The following FSTL5 variants were observed in gnomAD, a reference collection of about 807,000 sequenced individuals.
FSTL5 encodes the protein follistatin-related protein 5.
FSTL5 carries 62 observed loss-of-function variants against 89.1 expected under a neutral mutation model. The observed-to-expected ratio is 0.70, with a 90% CI of 0.57 to 0.86. FSTL5 has a LOEUF of 0.86. Ranked by LOEUF, FSTL5 falls within the 40% of genes least tolerant of loss-of-function variation. The probability of loss-of-function intolerance (pLI) is 0.00; values close to 1 mark genes in which losing one functional copy is unlikely to be tolerated. For synonymous variants in FSTL5, 383 were observed against 346.2 expected, an observed-to-expected ratio of 1.11 and a Z score of -1.18; for missense variants, 1,057 against 1,001.6, an observed-to-expected ratio of 1.06 and a Z score of -0.75.
intron 15 of FSTL5, among the ~76,000 whole-genome samples, chr4:161,446,804 T>C (rs1273890083): frequency 6.6e-6 from 1 of 152,012 alleles, no homozygotes; most frequent in East Asian, 1.9e-4. Context: ...ACTTCTGACA[T>C]ATTTCTTCAT....
intron 6 of FSTL5, among the ~76,000 whole-genome samples, chr4:161,757,146 T>C (rs1740598078): frequency 2.0e-5 from 3 of 152,176 alleles, no homozygotes; most frequent in Admixed American, 1.3e-4. Context: ...TTTTTATTTA[T>C]GTTATTCTTT....
At chr4:162,085,977 T>C (rs565047844) in intron 2 of FSTL5, among the ~76,000 whole-genome samples, 75 of 152,228 alleles carry the variant, frequency 4.9e-4, no homozygotes, top group Non-Finnish European at 9.9e-4. Flanking sequence ...ATACAGTCAG[T>C]GTTTTAAAAA....
At chr4:161,484,885 G>A (rs114159514) in intron 12 of FSTL5, among the ~76,000 whole-genome samples, 1,686 of 152,240 alleles carry the variant, frequency 0.011, 32 homozygotes, top group Admixed American at 0.05. Context: ...ATTCTTGCAA[G>A]GCAGAGATTG....
chr4:162,097,922 A>T (rs1040179366), intron 2 of FSTL5, among the ~76,000 whole-genome samples: 24 of 151,912 alleles, frequency 1.6e-4, no homozygotes, highest in Non-Finnish European at 2.5e-4. Context: ...ATTTTTAAAA[A>T]TGCCTGCACT....
At chr4:161,912,428 C>A (rs1378043163) in intron 4 of FSTL5, among the ~76,000 whole-genome samples, 1 of 152,114 alleles carries the variant, frequency 6.6e-6, no homozygotes, top group Non-Finnish European at 1.5e-5. Context: ...CTTTCCTGTG[C>A]TATTCTCATG....
chr4:161,925,693 C>A (rs2110878054), intron 3 of FSTL5, among the ~76,000 whole-genome samples: 1 of 151,848 alleles, frequency 6.6e-6, no homozygotes, highest in African/African-American at 2.4e-5. Flanking sequence ...GTATTCATTA[C>A]TGTTATTAAG....
intron 2 of FSTL5, among the ~76,000 whole-genome samples, chr4:162,098,343 G>C (rs76565244): frequency 0.041 from 6,178 of 152,004 alleles, 146 homozygotes; most frequent in Admixed American, 0.057. Flanking sequence ...TAGAGAAAAG[G>C]CCTGAGAGAA....
rs116966261 is a variant in FSTL5, at chr4:161,661,929, A to G, written c.728-5435T>C. Among the ~76,000 whole-genome samples the G allele has an allele frequency of 6.0e-3, 912 of 152,334 alleles. 9 individuals carry two copies. The highest frequency in any genetic ancestry group is 0.045 in the South Asian group (219 of 4,826). ...AAAGCATTAGAGAAATATCAGAATA[A>G]TGAGGAACTGCCCAGTCTATATTCT... On this transcript the variant is annotated intron_variant, in intron 6 of 15. Transcript: ENST00000306100.
At chr4:161,539,515 G>A (rs980798794) in intron 9 of FSTL5, among the ~76,000 whole-genome samples, 49 of 152,070 alleles carry the variant, frequency 3.2e-4, no homozygotes, top group African/African-American at 1.1e-3. Context: ...ATAATTCACT[G>A]AGAATCACTA....
rs57860357 is a variant in FSTL5, at chr4:162,092,947, C to CAA, written c.126+18322_126+18323dup. 4.5e-3 allele frequency among the ~76,000 whole-genome samples: 366 copies of CAA among 80,450 alleles called. 2 individuals carry two copies. Among genetic ancestry groups the CAA allele is most frequent in the African/African-American group, 0.013 (252 of 20,046 alleles). 52.8% of individuals were successfully genotyped at this position (80,450 alleles called of 152,430 possible). On this transcript the variant is annotated intron_variant, in intron 2 of 15. Transcript: ENST00000306100. ...TGGGTGACAGAGCGAGACTCTGTCT[C>CAA]AAAAAAAAAAAAAAAAAAAAAAAAG...
At chr4:161,713,877 A>G (rs1332579297) in intron 6 of FSTL5, among the ~76,000 whole-genome samples, 2 of 152,092 alleles carry the variant, frequency 1.3e-5, no homozygotes, top group Non-Finnish European at 2.9e-5. Context: ...ATTGCTTATT[A>G]AAGTGTTTGC....
intron 3 of FSTL5, among the ~76,000 whole-genome samples, chr4:161,973,846 T>C (rs1735555241): frequency 6.6e-6 from 1 of 152,166 alleles, no homozygotes; most frequent in Non-Finnish European, 1.5e-5. Context: ...CATGATTGTA[T>C]ATCTAGAAAA....
chr4:161,587,660 A>G, intron 7 of FSTL5, 85 bp from the exon 8 acceptor site: 2 of 952,088 alleles, frequency 2.1e-6, no homozygotes, highest in Non-Finnish European at 3.2e-6. Context: ...TTCAGGTACA[A>G]AACAAATAGA....
chr4:161,935,116 T>C (rs901639854), intron 3 of FSTL5, among the ~76,000 whole-genome samples: 6 of 152,130 alleles, frequency 3.9e-5, no homozygotes, highest in Non-Finnish European at 8.8e-5. Flanking sequence ...TGTAAACTTG[T>C]ATGGTAATGG....
chr4:161,888,460 G>T (rs929435311), intron 4 of FSTL5, among the ~76,000 whole-genome samples: 1 of 152,118 alleles, frequency 6.6e-6, no homozygotes, highest in African/African-American at 2.4e-5. Context: ...GTTACATCAC[G>T]ACTGAGTTAG....
At chr4:161,527,871 A>G (rs911845041) in intron 10 of FSTL5, among the ~76,000 whole-genome samples, 2 of 150,894 alleles carry the variant, frequency 1.3e-5, no homozygotes, top group African/African-American at 2.5e-5. Flanking sequence ...CACTATTCAC[A>G]ATAGCAAAGA....
chr4:161,524,685 A>G (rs1047034363), intron 10 of FSTL5, among the ~76,000 whole-genome samples: 1 of 152,140 alleles, frequency 6.6e-6, no homozygotes, highest in African/African-American at 2.4e-5. Context: ...CTGGCCTGGG[A>G]ACGGTGGCTC....
At chr4:161,667,222 T>C (rs1359950377) in intron 6 of FSTL5, among the ~76,000 whole-genome samples, 3 of 152,140 alleles carry the variant, frequency 2.0e-5, no homozygotes, top group Admixed American at 6.5e-5. Context: ...AAATGAATTA[T>C]ATAAAGTTGA....
intron 7 of FSTL5, among the ~76,000 whole-genome samples, chr4:161,589,437 C>T (rs1473256881): frequency 6.6e-6 from 1 of 152,088 alleles, no homozygotes; most frequent in Non-Finnish European, 1.5e-5. Context: ...GCCGCCTCAG[C>T]CTCCCCAAGT....
Sources: allele counts gnomAD v4.1 joint callset (sites outside exome capture counted in the v4.1 genomes callset), GRCh38; gene constraint gnomAD v4.1.1; transcripts MANE v1.5; gene names NCBI Gene and HGNC (gene_info 2026-07-23, HGNC 2026-07-21).